LRRC4C: variants seen among roughly 807,000 people sequenced by gnomAD.
LRRC4C encodes leucine-rich repeat-containing protein 4C.
In LRRC4C, 5 loss-of-function variants were observed where a neutral mutation model predicts 33.6. The observed-to-expected ratio is 0.15, with a 90% CI of 0.08 to 0.31. The LOEUF (loss-of-function observed/expected upper bound fraction) is 0.31, where lower values mean the gene tolerates loss of function less well. LRRC4C is among the 10% of genes least tolerant of loss of function. LRRC4C has a pLI of 1.00. For missense variants in LRRC4C, 560 were observed against 796.7 expected (o/e 0.70, Z 3.58); for synonymous variants, 329 against 302.0 (o/e 1.09, Z -0.93).
At chr11:40,945,228 A>G (rs1409608285) in intron 1 of LRRC4C, among the ~76,000 whole-genome samples, 1 of 34,966 alleles carries the variant, frequency 2.9e-5, no homozygotes, top group East Asian at 9.3e-4. Flanking sequence ...GACGGGGTTA[A>G]CCTGGATGGT....
chr11:40,978,262 C>T (rs1004344468), intron 1 of LRRC4C, among the ~76,000 whole-genome samples: 15 of 152,158 alleles, frequency 9.9e-5, no homozygotes, highest in African/African-American at 2.9e-4. Flanking sequence ...TCCAAGTTAA[C>T]ATCTTTCATG....
chr11:40,484,781 A>T (rs1028967945), intron 3 of LRRC4C, among the ~76,000 whole-genome samples: 15 of 152,142 alleles, frequency 9.9e-5, no homozygotes, highest in Admixed American at 7.9e-4. Context: ...TGTGTAAGTC[A>T]TATGCAGAAC....
At chr11:41,392,217 T>C (rs758028899) in intron 1 of LRRC4C, among the ~76,000 whole-genome samples, 5 of 151,900 alleles carry the variant, frequency 3.3e-5, no homozygotes, top group Non-Finnish European at 5.9e-5. Context: ...AGTGAGACTT[T>C]AGCTACTGAA....
At chr11:40,396,575 A>T (rs1258144104) in intron 3 of LRRC4C, among the ~76,000 whole-genome samples, 1 of 152,152 alleles carries the variant, frequency 6.6e-6, no homozygotes, top group Admixed American at 6.6e-5. Flanking sequence ...AGTAAAATTG[A>T]TGCCAAAATA....
chr11:40,230,035 A>T (rs1046761738), intron 5 of LRRC4C, among the ~76,000 whole-genome samples: 23 of 152,174 alleles, frequency 1.5e-4, no homozygotes, highest in Admixed American at 2.0e-4. Context: ...CTAATTTCTC[A>T]TCCACATCCT....
chr11:41,269,697 G>T (rs1949262421), intron 1 of LRRC4C, among the ~76,000 whole-genome samples: 1 of 152,070 alleles, frequency 6.6e-6, no homozygotes, highest in Admixed American at 6.6e-5. Flanking sequence ...GAAGAATGTA[G>T]ACAGTGACTT....
intron 4 of LRRC4C, among the ~76,000 whole-genome samples, chr11:40,294,550 C>T (rs1039125412): frequency 6.6e-6 from 1 of 152,108 alleles, no homozygotes; most frequent in Non-Finnish European, 1.5e-5. Flanking sequence ...ATTGCTTAGC[C>T]GGGCGCGGTG....
intron 2 of LRRC4C, among the ~76,000 whole-genome samples, chr11:40,822,369 C>T (rs1438246445): frequency 6.7e-6 from 1 of 150,330 alleles, no homozygotes; most frequent in Non-Finnish European, 1.5e-5. Context: ...GAATAGTATT[C>T]CATTATATGT....
In LRRC4C at chr11:40,589,670, C is replaced by T. The variant is rs1273220953; in HGVS notation, c.-270+58472G>A. On this transcript the variant is annotated intron_variant, in intron 3 of 6. Coordinates refer to ENST00000528697, the MANE Select transcript of LRRC4C (RefSeq NM_001258419.2). ...CTTCAGGAGCTCTTTTAGGGCAGGC[C>T]TGGTGGTGACAAAATCTCTCAGCAT... Among the ~76,000 whole-genome samples the T allele has an allele frequency of 3.3e-5, 5 of 151,658 alleles. No homozygotes were observed. The East Asian group carries it at 7.8e-4, about 24-fold the overall frequency.
At chr11:40,154,342 A>T (rs912399956) in intron 5 of LRRC4C, among the ~76,000 whole-genome samples, 3 of 152,022 alleles carry the variant, frequency 2.0e-5, no homozygotes, top group African/African-American at 7.2e-5. Context: ...AACACAATTA[A>T]TGCAACAGTA....
chr11:41,055,204 G>A (rs1264467380), intron 1 of LRRC4C, among the ~76,000 whole-genome samples: 2 of 151,844 alleles, frequency 1.3e-5, no homozygotes, highest in East Asian at 3.9e-4. Context: ...ATCTACTCTT[G>A]TGGTGTCTGG....
At chr11:40,586,843 G>C (rs1417928541) in intron 3 of LRRC4C, among the ~76,000 whole-genome samples, 10 of 152,068 alleles carry the variant, frequency 6.6e-5, no homozygotes, top group Non-Finnish European at 1.5e-4. Context: ...TATCTCTGTT[G>C]TGGTACCAGT....
In LRRC4C at chr11:40,116,167, C is replaced by A. The variant is rs375050614; in HGVS notation, c.126G>T (p.Val42=). The change falls in exon 7 of 7, where the codon GTG becomes GTT. Residue 42 remains valine (V), a synonymous_variant. Transcript: ENST00000528697. ...ACACAGAAGGGCAGGTCTGAGCCCG[C>A]ACCAGACCAGCCACCACAAGAAGTT... ...ALQLLVVAGL[V]RAQTCPSVCS... 14 of 1,613,744 alleles carry A rather than the reference C, an allele frequency of 8.7e-6. No homozygotes were observed. The highest frequency in any genetic ancestry group is 9.3e-6 in the Non-Finnish European group (11 of 1,179,938).
At chr11:41,235,165 A>C (rs1197709234) in intron 1 of LRRC4C, among the ~76,000 whole-genome samples, 1 of 152,104 alleles carries the variant, frequency 6.6e-6, no homozygotes, top group African/African-American at 2.4e-5. Context: ...TAGGTGGGTC[A>C]ATTTCATTTA....
At chr11:40,555,477 T>A (rs908053660) in intron 3 of LRRC4C, among the ~76,000 whole-genome samples, 4 of 152,108 alleles carry the variant, frequency 2.6e-5, no homozygotes, top group Non-Finnish European at 5.9e-5. Flanking sequence ...TTCCCCAATT[T>A]ATATGAACAT....
chr11:40,548,012 G>T (rs61886240), intron 3 of LRRC4C, among the ~76,000 whole-genome samples: 4 of 152,020 alleles, frequency 2.6e-5, no homozygotes, highest in Non-Finnish European at 5.9e-5. Context: ...TAAACACGGA[G>T]AATCAGTGAA....
At chr11:41,402,080 T>TAG (rs1278295842) in intron 1 of LRRC4C, among the ~76,000 whole-genome samples, 1 of 151,924 alleles carries the variant, frequency 6.6e-6, no homozygotes, top group African/African-American at 2.4e-5. Flanking sequence ...TCTAGTGGGA[T>TAG]AGAGAGAGAT....
intron 1 of LRRC4C, among the ~76,000 whole-genome samples, chr11:41,378,817 A>T (rs952165568): frequency 2.0e-5 from 3 of 152,126 alleles, no homozygotes; most frequent in Non-Finnish European, 4.4e-5. Context: ...ATTAAAATAA[A>T]GATCTTCATT....
chr11:40,690,947 G>C (rs537029738), intron 2 of LRRC4C, among the ~76,000 whole-genome samples: 1 of 152,126 alleles, frequency 6.6e-6, no homozygotes, highest in South Asian at 2.1e-4. Flanking sequence ...GACCAAGCAA[G>C]AAGCAGTGAT....
Sources: gnomAD v4.1 joint callset for allele counts (sites outside exome capture counted in the v4.1 genomes callset) on GRCh38, gnomAD v4.1.1 for gene constraint, MANE v1.5 for transcripts, NCBI Gene and HGNC (gene_info 2026-07-23, HGNC 2026-07-21) for gene names.